NKAIN3: variants seen among roughly 807,000 people sequenced by gnomAD.
NKAIN3 encodes sodium/potassium transporting ATPase interacting 3.
NKAIN3 carries 25 observed loss-of-function variants against 30.2 expected under a neutral mutation model. The observed-to-expected ratio is 0.83, with a 90% CI of 0.60 to 1.16. The LOEUF is 1.16. Ranked by LOEUF, NKAIN3 falls within the 50% of genes most tolerant of loss-of-function variation. The probability of loss-of-function intolerance (pLI) is 0.00; values close to 1 mark genes in which losing one functional copy is unlikely to be tolerated. For synonymous variants in NKAIN3, 91 were observed against 89.6 expected (o/e 1.02, Z -0.09); for missense variants, 225 against 254.1 (o/e 0.89, Z 0.78).
intron 1 of NKAIN3, among the ~76,000 whole-genome samples, chr8:62,381,061 C>G (rs1389468244): frequency 6.6e-6 from 1 of 151,940 alleles, no homozygotes; most frequent in East Asian, 1.9e-4. Flanking sequence ...CTTAGTTTTC[C>G]AATTAAAAAC....
At chr8:62,805,411 G>T (rs574559717) in intron 4 of NKAIN3, among the ~76,000 whole-genome samples, 1 of 151,882 alleles carries the variant, frequency 6.6e-6, no homozygotes, top group Admixed American at 6.6e-5. Flanking sequence ...ATACTACAAG[G>T]CTACAGTAAC....
chr8:62,375,399 C>T (rs1306219710), intron 1 of NKAIN3, among the ~76,000 whole-genome samples: 1 of 152,178 alleles, frequency 6.6e-6, no homozygotes, highest in East Asian at 1.9e-4. Flanking sequence ...ATGAGTAAAT[C>T]TGAACCACAG....
intron 1 of NKAIN3, among the ~76,000 whole-genome samples, chr8:62,344,090 C>G (rs1481299841): frequency 6.6e-6 from 1 of 151,818 alleles, no homozygotes; most frequent in Non-Finnish European, 1.5e-5. Context: ...TTCAGAAATC[C>G]CTTTGACAGC....
intron 1 of NKAIN3, among the ~76,000 whole-genome samples, chr8:62,264,815 G>A (rs572088025): frequency 1.3e-5 from 2 of 152,158 alleles, no homozygotes; most frequent in African/African-American, 2.4e-5. Context: ...ACATCACGGT[G>A]CATGTGCCAC....
intron 1 of NKAIN3, among the ~76,000 whole-genome samples, chr8:62,391,061 T>C (rs1009487670): frequency 2.0e-5 from 3 of 152,204 alleles, no homozygotes; most frequent in Non-Finnish European, 4.4e-5. Flanking sequence ...ATCCTGTTTG[T>C]CAATTTTTAA....
intron 1 of NKAIN3, among the ~76,000 whole-genome samples, chr8:62,502,539 T>TC (rs1554540415): frequency 2.0e-5 from 3 of 150,238 alleles, no homozygotes; most frequent in South Asian, 4.2e-4. Flanking sequence ...CCTTCCTCCT[T>TC]TCCTTCTCCT....
chr8:62,492,945 C>A (rs1056065462), intron 1 of NKAIN3, among the ~76,000 whole-genome samples: 4 of 152,062 alleles, frequency 2.6e-5, no homozygotes. Context: ...GAATCTTAGA[C>A]CTTTGTCAGA....
At chr8:62,397,288 A>C (rs2351657) in intron 1 of NKAIN3, among the ~76,000 whole-genome samples, 4 of 151,564 alleles carry the variant, frequency 2.6e-5, no homozygotes, top group Admixed American at 2.6e-4. Context: ...ATGAACCAAA[A>C]CTTCTAAAAT....
chr8:62,942,384 T>C (rs1822992121), intron 5 of NKAIN3, among the ~76,000 whole-genome samples: 1 of 150,794 alleles, frequency 6.6e-6, no homozygotes, highest in Non-Finnish European at 1.5e-5. Flanking sequence ...AAATTATAGA[T>C]GGCACAGATG....
At chr8:62,748,901 C>T (rs1208142421) in intron 4 of NKAIN3, among the ~76,000 whole-genome samples, 1 of 151,972 alleles carries the variant, frequency 6.6e-6, no homozygotes, top group African/African-American at 2.4e-5. Flanking sequence ...TTTTCTTATT[C>T]TCTGATCCTT....
chr8:62,668,131 C>CACAG (rs1813188793), intron 3 of NKAIN3, among the ~76,000 whole-genome samples: 2 of 151,818 alleles, frequency 1.3e-5, no homozygotes, highest in African/African-American at 4.8e-5. Context: ...CACACACACA[C>CACAG]AGTCACATTG....
chr8:62,537,459 T>G (rs1808699204), intron 1 of NKAIN3, among the ~76,000 whole-genome samples: 1 of 152,162 alleles, frequency 6.6e-6, no homozygotes, highest in South Asian at 2.1e-4. Flanking sequence ...TCTAAAGCAT[T>G]TTACACTGCT....
chr8:62,409,744 T>C (rs947397074), intron 1 of NKAIN3, among the ~76,000 whole-genome samples: 1 of 151,960 alleles, frequency 6.6e-6, no homozygotes, highest in Non-Finnish European at 1.5e-5. Context: ...AACTTCAGAG[T>C]TTTTTAAAAT....
chr8:62,418,471 G>A (rs912957503), intron 1 of NKAIN3, among the ~76,000 whole-genome samples: 1 of 152,112 alleles, frequency 6.6e-6, no homozygotes, highest in African/African-American at 2.4e-5. Context: ...AATGCAAGTG[G>A]GCTAGGAGAT....
intron 3 of NKAIN3, among the ~76,000 whole-genome samples, chr8:62,668,587 A>G (rs978792944): frequency 3.9e-5 from 6 of 152,138 alleles, no homozygotes; most frequent in South Asian, 2.1e-4. Flanking sequence ...AAGATTCCAC[A>G]CTGCGCAATC....
At chr8:62,269,271 A>G (rs781724063) in intron 1 of NKAIN3, among the ~76,000 whole-genome samples, 13 of 152,194 alleles carry the variant, frequency 8.5e-5, no homozygotes, top group African/African-American at 2.4e-4. Flanking sequence ...TGGGCTATGA[A>G]AAAACATTTT....
intron 1 of NKAIN3, among the ~76,000 whole-genome samples, chr8:62,435,128 C>T (rs1180374269): frequency 6.6e-6 from 1 of 152,134 alleles, no homozygotes; most frequent in African/African-American, 2.4e-5. Context: ...GCTGACACCT[C>T]TAGCTGAGAG....
At chr8:62,440,701 T>C (rs1024684894) in intron 1 of NKAIN3, among the ~76,000 whole-genome samples, 1 of 118,694 alleles carries the variant, frequency 8.4e-6, no homozygotes, top group African/African-American at 2.6e-5. Flanking sequence ...TCTTCTTCTT[T>C]ATTTTTTTTT....
chr8:62,948,491 C>A (rs1488182228), intron 5 of NKAIN3, among the ~76,000 whole-genome samples: 2 of 152,110 alleles, frequency 1.3e-5, no homozygotes, highest in East Asian at 1.9e-4. Flanking sequence ...AGCCACCGCA[C>A]CTGGCCAGTA....
Sources: allele counts gnomAD v4.1 joint callset (sites outside exome capture counted in the v4.1 genomes callset), GRCh38; gene constraint gnomAD v4.1.1; transcripts MANE v1.5; gene names NCBI Gene and HGNC (gene_info 2026-07-23, HGNC 2026-07-21).